LRCH2: variants seen among roughly 807,000 people sequenced by gnomAD.
LRCH2 encodes leucine rich repeats and calponin homology domain containing 2, also known as leucine-rich repeat and calponin homology domain-containing protein 2.
In LRCH2, 38 loss-of-function variants were observed where a neutral mutation model predicts 68.9. The ratio of observed to expected loss-of-function variants is 0.55; its 90% CI spans 0.43 to 0.72. LRCH2 has a LOEUF of 0.72. Ranked by LOEUF, LRCH2 falls within the 30% of genes least tolerant of loss-of-function variation. The pLI, the probability that LRCH2 is intolerant of heterozygous loss-of-function variation, is 0.00. For synonymous variants in LRCH2, 191 were observed against 208.1 expected (o/e 0.92, Z 0.71); for missense variants, 528 against 572.9 (o/e 0.92, Z 0.80).
At chrX:115,175,586 G>A (rs1284190318) in intron 5 of LRCH2, among the ~76,000 whole-genome samples, 1 of 112,091 alleles carries the variant, frequency 8.9e-6, no homozygotes, top group Admixed American at 9.4e-5. Context: ...CATAAAGTCA[G>A]CTAACTTTCT....
intron 1 of LRCH2, chrX:115,192,197 G>T: frequency 4.3e-6 from 5 of 1,165,899 alleles, no homozygotes; most frequent in Non-Finnish European, 5.7e-6. Flanking sequence ...TACCAAGGCC[G>T]CTCGCCCAAT....
intron 5 of LRCH2, among the ~76,000 whole-genome samples, chrX:115,173,469 T>C (rs1556548408): frequency 8.9e-6 from 1 of 111,910 alleles, no homozygotes; most frequent in African/African-American, 3.2e-5. Context: ...ACAAGCTATT[T>C]AGATAAACTC....
At chrX:115,203,185 C>T (rs1410319170) in intron 1 of LRCH2, among the ~76,000 whole-genome samples, 1 of 111,597 alleles carries the variant, frequency 9.0e-6, no homozygotes, top group Non-Finnish European at 1.9e-5. Context: ...ACTTATAAAC[C>T]ATCAGATCTT....
chrX:115,169,290 G>A (rs782059607), intron 6 of LRCH2, among the ~76,000 whole-genome samples: 48 of 111,425 alleles, frequency 4.3e-4, no homozygotes, highest in African/African-American at 1.6e-3. Context: ...TCTACCAGTA[G>A]GCATTCAACT....
intron 2 of LRCH2, 150 bp downstream of exon 2, chrX:115,188,076 A>G (rs1378692516): frequency 5.2e-5 from 21 of 406,399 alleles, no homozygotes; most frequent in Non-Finnish European, 6.9e-5. Context: ...ACAAAAGCCT[A>G]CAAAATAATG....
At chrX:115,191,952 C>T (rs2072834733) in intron 1 of LRCH2, 1 of 1,165,650 alleles carries the variant, frequency 8.6e-7, no homozygotes, top group Non-Finnish European at 1.1e-6. Context: ...CACCCAACGC[C>T]TACAGTGGGG....
At chrX:115,118,683 C>T (rs2072106565) in intron 20 of LRCH2, among the ~76,000 whole-genome samples, 1 of 111,367 alleles carries the variant, frequency 9.0e-6, no homozygotes, top group Non-Finnish European at 1.9e-5. Context: ...CCAGCATCAT[C>T]CTGATACCAA....
chrX:115,214,784 C>T (rs1240083194), intron 1 of LRCH2, among the ~76,000 whole-genome samples: 3 of 111,532 alleles, frequency 2.7e-5, no homozygotes, highest in Non-Finnish European at 5.6e-5. Context: ...AGGGCAGATA[C>T]GTGCATGCTC....
chrX:115,133,643 T>C (rs1345761055), intron 14 of LRCH2, among the ~76,000 whole-genome samples: 9 of 111,643 alleles, frequency 8.1e-5, no homozygotes, highest in African/African-American at 2.6e-4. Context: ...ATGTCTGTTA[T>C]GGTGATCTGT....
Position 115,113,134 on chromosome X carries a change from A to C in LRCH2, c.*82T>G. ...ACCTAAGGCAAACTATTTTTGACGG[A>C]ATATTCTTATTCATGAATTTGAAAT... On this transcript the variant is annotated 3_prime_UTR_variant, in exon 21 of 21. Transcript: ENST00000317135. 1 of 937,445 alleles carries C rather than the reference A, an allele frequency of 1.1e-6. No homozygotes were observed. Among genetic ancestry groups the C allele is most frequent in the Non-Finnish European group, 1.4e-6 (1 of 703,887 alleles). The allele number at this position is 937,445 out of a possible 1,213,427, so 77.3% of individuals were successfully genotyped here. A position where few individuals can be genotyped will look rare whatever the true frequency, so the allele number is the denominator to read the frequency against.
intron 14 of LRCH2, among the ~76,000 whole-genome samples, chrX:115,133,703 C>T (rs2072265287): frequency 9.0e-6 from 1 of 111,323 alleles, no homozygotes; most frequent in African/African-American, 3.3e-5. Flanking sequence ...GTGACTCAAA[C>T]GACGCCCATA....
In LRCH2 at chrX:115,112,496, G is replaced by GA. The variant is rs1171540284; in HGVS notation, c.*719dup. 9.0e-6 allele frequency: 1 copy of GA among 111,627 alleles called. No individual in the cohort carries two copies. Among genetic ancestry groups the GA allele is most frequent in the Non-Finnish European group, 1.9e-5 (1 of 52,861 alleles). The allele number at this position is 111,627 out of a possible 1,213,427, so 9.2% of individuals were successfully genotyped here. ...TAAAAAACCACAAATGTCACAATGTGAGGCTCATTTAAATCCTCACATATT... is the reference window on the plus strand; with the variant it reads ...TAAAAAACCACAAATGTCACAATGTGAAGGCTCATTTAAATCCTCACATATT... On this transcript the variant is annotated 3_prime_UTR_variant, in exon 21 of 21. Coordinates refer to ENST00000317135, the MANE Select transcript of LRCH2 (RefSeq NM_020871.4).
intron 11 of LRCH2, 143 bp downstream of exon 11, chrX:115,163,533 T>G (rs782269001): frequency 5.2e-6 from 2 of 387,155 alleles, no homozygotes; most frequent in Non-Finnish European, 8.7e-6. Flanking sequence ...TGAGGAATAC[T>G]CAATCTGTAG....
At chrX:115,159,649 G>T (rs1467494260) in intron 11 of LRCH2, among the ~76,000 whole-genome samples, 3 of 108,351 alleles carry the variant, frequency 2.8e-5, no homozygotes, top group African/African-American at 1.0e-4. Context: ...TACTCAGGAG[G>T]CTGAGGCAGG....
At chrX:115,138,419 T>C (rs1319274852) in intron 14 of LRCH2, among the ~76,000 whole-genome samples, 1 of 111,866 alleles carries the variant, frequency 8.9e-6, no homozygotes, top group Non-Finnish European at 1.9e-5. Context: ...CCCTGGGTCT[T>C]TGGGTCTTCA....
At position 115,216,380 on chromosome X, in the gene LRCH2, T is replaced by C. The variant is rs782469194; in HGVS notation, c.349+17313A>G. On this transcript the variant is annotated intron_variant, in intron 1 of 20. Coordinates refer to ENST00000317135, the MANE Select transcript of LRCH2 (RefSeq NM_020871.4). Reference sequence around the variant, plus strand: ...TGCTGGAATGAGAAGCAATTTGTATTTTTTTCCCTATGCTTCTATTTTCCA... The same window carrying C: ...TGCTGGAATGAGAAGCAATTTGTATCTTTTTCCCTATGCTTCTATTTTCCA... 9.8e-5 allele frequency among the ~76,000 whole-genome samples: 11 copies of C among 112,277 alleles called. No homozygotes were observed. The East Asian group carries it at 3.1e-3, about 31-fold the overall frequency.
At chrX:115,152,989 T>C (rs140129952) in intron 12 of LRCH2, among the ~76,000 whole-genome samples, 37 of 109,687 alleles carry the variant, frequency 3.4e-4, no homozygotes, top group African/African-American at 1.1e-3. Flanking sequence ...CAAACTAGAA[T>C]TGTGTATGAG....
At chrX:115,211,768 C>T (rs782591634) in intron 1 of LRCH2, among the ~76,000 whole-genome samples, 1 of 111,198 alleles carries the variant, frequency 9.0e-6, no homozygotes, top group African/African-American at 3.3e-5. Context: ...CACACCCCCC[C>T]AAGATTGCTT....
intron 6 of LRCH2, among the ~76,000 whole-genome samples, chrX:115,167,564 ATACTGTGTTATG>A (rs1448919444): frequency 9.0e-6 from 1 of 111,048 alleles, no homozygotes; most frequent in Admixed American, 9.7e-5. Context: ...TTGAGTGTCT[ATACTGTGTTATG>A]TACTGTGTTA....
Sources: gnomAD v4.1 joint callset for allele counts (sites outside exome capture counted in the v4.1 genomes callset) on GRCh38, gnomAD v4.1.1 for gene constraint, MANE v1.5 for transcripts, NCBI Gene and HGNC (gene_info 2026-07-23, HGNC 2026-07-21) for gene names.